The following NSMF variants were observed in gnomAD, a reference collection of about 807,000 sequenced individuals.
The protein encoded by NSMF is NMDA receptor synaptonuclear signaling and neuronal migration factor.
NSMF carries 31 observed loss-of-function variants against 71.0 expected under a neutral mutation model. The ratio of observed to expected loss-of-function variants is 0.44; its 90% CI spans 0.33 to 0.59. The LOEUF (loss-of-function observed/expected upper bound fraction) is 0.59, where lower values mean the gene tolerates loss of function less well. Among genes scored for constraint, NSMF ranks in the 20% least tolerant of loss-of-function variants. NSMF has a pLI of 0.04. For synonymous variants in NSMF, 345 were observed against 287.1 expected (o/e 1.20, Z -2.04); for missense variants, 673 against 740.5 (o/e 0.91, Z 1.06).
At position 137,452,739 on chromosome 9, in the gene NSMF, G is replaced by A. The variant is rs1332886361; in HGVS notation, c.1128C>T (p.Leu376=). The change falls in exon 10 of 16, where the codon CTC becomes CTT. Residue 376 remains leucine, a synonymous_variant. Transcript: ENST00000371475. ...GCAGGCCCGGGGCGGGACTCACGTAGAGGATGGGGATGATGGAGGGGTCAT... is the reference window on the plus strand; with the variant it reads ...GCAGGCCCGGGGCGGGACTCACGTAAAGGATGGGGATGATGGAGGGGTCAT... ...RRDDPSIIPI[L]YDHEHATFED... is the part of the protein sequence containing the mutation. 3.1e-6 allele frequency: 5 copies of A among 1,606,524 alleles called. No individual in the cohort carries two copies. Among genetic ancestry groups the A allele is most frequent in the Middle Eastern group, 1.7e-4 (1 of 6,050 alleles).
chr9:137,449,357 A>C lies in NSMF; in HGVS notation c.*37T>G. Reference sequence around the variant, plus strand: ...CAGCCCCAGGTCCCGGTGCAGAGGGAGTGGCCTGATGGTGACTGGGCGGAG... The same window carrying C: ...CAGCCCCAGGTCCCGGTGCAGAGGGCGTGGCCTGATGGTGACTGGGCGGAG... On this transcript the variant is annotated 3_prime_UTR_variant, in exon 16 of 16. Coordinates refer to ENST00000371475, the MANE Select transcript of NSMF (RefSeq NM_001130969.3). 1 of 1,549,016 alleles carries C rather than the reference A, an allele frequency of 6.5e-7. No individual in the cohort carries two copies. Among genetic ancestry groups the C allele is most frequent in the Non-Finnish European group, 8.9e-7 (1 of 1,123,256 alleles).
In NSMF at chr9:137,453,887, C is replaced by T. The variant is rs1216088210; in HGVS notation, c.833-67G>A. 1.5e-6 allele frequency: 2 copies of T among 1,376,012 alleles called. No individual in the cohort carries two copies. The highest frequency in any genetic ancestry group is 1.4e-5 in the African/African-American group (1 of 69,998). The allele number at this position is 1,376,012 out of a possible 1,614,324, so 85.2% of individuals were successfully genotyped here. A position where few individuals can be genotyped will look rare whatever the true frequency, so the allele number is the denominator to read the frequency against. On this transcript the variant is annotated intron_variant, in intron 7 of 15. Coordinates refer to ENST00000371475, the MANE Select transcript of NSMF (RefSeq NM_001130969.3). The surrounding 1 kb of genome is among the most constrained non-coding windows in gnomAD (Gnocchi z 4.5). ...GGCCTCGGGAGTCTCAGACCCCAGG[C>T]GAGGGGACCACAGGGGCCCTGGGCA...
chr9:137,459,300 C>G lies in NSMF; in HGVS notation c.-198G>C, dbSNP rs1302713171. On this transcript the variant is annotated 5_prime_UTR_variant, in exon 1 of 16. Transcript: ENST00000371475. ...GCATGGCCGCACCCGGCGCTCCGCG[C>G]GTGCCGCCGCTCCCGGGAGAGCGCT... The G allele has an allele frequency of 3.1e-5, 6 of 192,402 alleles. No individual in the cohort carries two copies. Among genetic ancestry groups the G allele is most frequent in the African/African-American group, 4.8e-5 (2 of 42,100 alleles). The allele number at this position is 192,402 out of a possible 1,614,324, so 11.9% of individuals were successfully genotyped here.
At chr9:137,450,440 TC>T (rs1219889499) in intron 12 of NSMF, among the ~76,000 whole-genome samples, 185 bp from the exon 13 acceptor site, 1 of 51,628 alleles carries the variant, frequency 1.9e-5, no homozygotes, top group Non-Finnish European at 3.7e-5. Context: ...CCCTTTGATC[TC>T]CCCCCCACGC....
In NSMF at chr9:137,449,331, C is replaced by G. The variant is rs757583167; in HGVS notation, c.*63G>C. 3.0e-5 allele frequency: 43 copies of G among 1,433,186 alleles called. No individual in the cohort carries two copies. The highest frequency in any genetic ancestry group is 4.2e-5 in the Non-Finnish European group (43 of 1,023,424). The allele number at this position is 1,433,186 out of a possible 1,614,324, so 88.8% of individuals were successfully genotyped here. A position where few individuals can be genotyped will look rare whatever the true frequency, so the allele number is the denominator to read the frequency against. ...ACAGTCCCGGGGAGCACGAGGCGGCCCAGCCCCAGGTCCCGGTGCAGAGGG... is the reference window on the plus strand; with the variant it reads ...ACAGTCCCGGGGAGCACGAGGCGGCGCAGCCCCAGGTCCCGGTGCAGAGGG... On this transcript the variant is annotated 3_prime_UTR_variant, in exon 16 of 16. Coordinates refer to ENST00000371475, the MANE Select transcript of NSMF (RefSeq NM_001130969.3).
At chr9:137,452,519 G>A (rs762724802) in intron 11 of NSMF, 34 bp downstream of exon 11, 1 of 1,612,526 alleles carries the variant, frequency 6.2e-7, no homozygotes, top group Non-Finnish European at 8.5e-7. Context: ...CCCAGGCCTG[G>A]AACCAGCAGA....
At chr9:137,452,849 C>T (rs779765934) in intron 9 of NSMF, 30 bp from the exon 10 acceptor site, 134 of 1,578,608 alleles carry the variant, frequency 8.5e-5, no homozygotes, top group Non-Finnish European at 1.1e-4. Context: ...CTCAGGGGCC[C>T]CAGGCCCATC....
Position 137,452,581 on chromosome 9 carries a change from A to C in NSMF, c.1137T>G (p.His379Gln). The change falls in exon 11 of 16, where the codon CAT becomes CAG. Residue 379 changes from histidine to glutamine, a missense_variant. Around this residue, in one of 2 missense-constraint regions of NSMF, gnomAD observed 202 missense variants for 280.8 expected, o/e 0.72. Coordinates refer to ENST00000371475, the MANE Select transcript of NSMF (RefSeq NM_001130969.3). ...DPSIIPILYD[H>Q]EHATFEDILE... Reference sequence around the variant, plus strand: ...GGATGTCCTCGAAGGTTGCGTGCTCATGGTCCTGGGGACAGACACAGGCCA... The same window carrying C: ...GGATGTCCTCGAAGGTTGCGTGCTCCTGGTCCTGGGGACAGACACAGGCCA... The C allele has an allele frequency of 6.2e-7, 1 of 1,612,662 alleles. No homozygotes were observed.
In NSMF at chr9:137,454,049, C is replaced by T. The variant is rs553772305; in HGVS notation, c.833-229G>A. 2.2e-4 allele frequency among the ~76,000 whole-genome samples: 32 copies of T among 146,928 alleles called. 1 individual carries two copies. The highest frequency in any genetic ancestry group is 7.6e-4 in the African/African-American group (30 of 39,574). ...AGTCTGGGAAGGGAGGAGCCTGGGC[C>T]GGGCTGGGGGCGTGGCTGGGAGGGG... On this transcript the variant is annotated intron_variant, in intron 7 of 15. Coordinates refer to ENST00000371475, the MANE Select transcript of NSMF (RefSeq NM_001130969.3).
rs1398261431 is a variant in NSMF, at chr9:137,453,339, C to T, written c.923-159G>A. On this transcript the variant is annotated intron_variant, in intron 8 of 15. Coordinates refer to ENST00000371475, the MANE Select transcript of NSMF (RefSeq NM_001130969.3). The surrounding 1 kb of genome is among the most constrained non-coding windows in gnomAD (Gnocchi z 4.5). ...TCGCCGCCAGCCCGGCAGGACAGGC[C>T]TGTGGACACCACTGGGCAGCGGCCT... 16 of 979,830 alleles carry T rather than the reference C, an allele frequency of 1.6e-5. No individual in the cohort carries two copies. In the East Asian group the frequency reaches 4.2e-4, roughly 26 times the overall value. 60.7% of individuals were successfully genotyped at this position (979,830 alleles called of 1,614,324 possible).
rs904140496 is a variant in NSMF at position 137,454,454 on chromosome 9, A to C, written c.780-11T>G. On this transcript the variant is annotated splice_polypyrimidine_tract_variant and intron_variant, in intron 6 of 15. Transcript: ENST00000371475. ...TGTTTGCGGAAGTTCCTGGGGGAGGAAGCCAGGGGCTGAAGAGGGCCGTGA... is the reference window on the plus strand; with the variant it reads ...TGTTTGCGGAAGTTCCTGGGGGAGGCAGCCAGGGGCTGAAGAGGGCCGTGA... The C allele has an allele frequency of 7.6e-5, 118 of 1,549,846 alleles. No homozygotes were observed. Among genetic ancestry groups the C allele is most frequent in the Non-Finnish European group, 9.6e-5 (110 of 1,146,814 alleles).
In NSMF at chr9:137,454,104, T is replaced by C. The variant is rs1488001087; in HGVS notation, c.833-284A>G. Among the ~76,000 whole-genome samples the C allele has an allele frequency of 5.8e-5, 4 of 69,026 alleles. 1 individual carries two copies. The East Asian group carries it at 1.2e-3, about 21-fold the overall frequency. 45.3% of individuals were successfully genotyped at this position (69,026 alleles called of 152,430 possible). ...GCCTGGGCCGGGCTGGGGGCGTGGCTGGGAGGGGAGGAGCCTGGGCCGGGC... is the reference window on the plus strand; with the variant it reads ...GCCTGGGCCGGGCTGGGGGCGTGGCCGGGAGGGGAGGAGCCTGGGCCGGGC... On this transcript the variant is annotated intron_variant, in intron 7 of 15. Coordinates refer to ENST00000371475, the MANE Select transcript of NSMF (RefSeq NM_001130969.3).
intron 12 of NSMF, 72 bp from the exon 13 acceptor site, chr9:137,450,327 T>C (rs1325659760): frequency 7.8e-6 from 10 of 1,278,834 alleles, no homozygotes; most frequent in South Asian, 1.2e-5. Flanking sequence ...CCCACGCACA[T>C]GCGTGGGAGG....
intron 3 of NSMF, among the ~76,000 whole-genome samples, chr9:137,456,788 C>T (rs975681897): frequency 6.6e-6 from 1 of 152,186 alleles, no homozygotes; most frequent in Non-Finnish European, 1.5e-5. Context: ...TCCAGGAGGC[C>T]CAGGAAAACA....
chr9:137,454,808 G>T, intron 6 of NSMF: 1 of 1,345,536 alleles, frequency 7.4e-7, no homozygotes, highest in Non-Finnish European at 9.7e-7. Context: ...GCAGAGCGGG[G>T]CTCCTGTCTG....
intron 7 of NSMF, among the ~76,000 whole-genome samples, chr9:137,454,085 G>A (rs1188987411): frequency 7.8e-6 from 1 of 127,678 alleles, no homozygotes; most frequent in Non-Finnish European, 1.7e-5. Context: ...AGGAGCCTGG[G>A]CCGGGCTGGG....
chr9:137,458,619 C>A lies in NSMF; in HGVS notation c.72-70G>T, dbSNP rs568638936. The A allele has an allele frequency of 3.4e-4, 488 of 1,420,296 alleles. 8 individuals are homozygous for A. The South Asian group carries it at 5.5e-3, about 16-fold the overall frequency. The allele number at this position is 1,420,296 out of a possible 1,614,324, so 88.0% of individuals were successfully genotyped here. A position where few individuals can be genotyped will look rare whatever the true frequency, so the allele number is the denominator to read the frequency against. On this transcript the variant is annotated intron_variant, in intron 1 of 15. Transcript: ENST00000371475. Reference sequence around the variant, plus strand: ...TCCCAAACACCGGGCCGCGCAAGAGCCGGGGGTCCGGTCCCCAGCCAGGCC... The same window carrying A: ...TCCCAAACACCGGGCCGCGCAAGAGACGGGGGTCCGGTCCCCAGCCAGGCC...
At chr9:137,450,314 G>A in intron 12 of NSMF, 59 bp from the exon 13 acceptor site, 1 of 1,380,560 alleles carries the variant, frequency 7.2e-7, no homozygotes, top group Non-Finnish European at 1.0e-6. Flanking sequence ...CGACACACAT[G>A]CACCCACGCA....
intron 4 of NSMF, 77 bp from the exon 5 acceptor site, chr9:137,455,711 A>G: frequency 1.3e-6 from 2 of 1,491,050 alleles, no homozygotes; most frequent in Non-Finnish European, 1.8e-6. Context: ...CTCAGCCCCC[A>G]CCCGGTCCCT....
Sources: allele counts gnomAD v4.1 joint callset (sites outside exome capture counted in the v4.1 genomes callset), GRCh38; gene constraint gnomAD v4.1.1; regional missense constraint gnomAD v4.1.1; non-coding constraint Gnocchi (gnomAD v3.1); transcripts MANE v1.5; gene names NCBI Gene and HGNC (gene_info 2026-07-23, HGNC 2026-07-21).